Variants in ADAMTSL1 observed in about 807,000 individuals in gnomAD.
ADAMTSL1 encodes the protein ADAMTS like 1, also known as ADAMTS-like protein 1.
Under a neutral mutation model 201.8 loss-of-function variants are expected in ADAMTSL1, and 126 were observed. That is an observed-to-expected ratio of 0.62 (90% CI 0.54 to 0.72). The LOEUF (loss-of-function observed/expected upper bound fraction) is 0.72, where lower values mean the gene tolerates loss of function less well. Ranked by LOEUF, ADAMTSL1 falls within the 30% of genes least tolerant of loss-of-function variation. The pLI is 0.00. For missense variants in ADAMTSL1, 2,679 were observed against 2,277.8 expected (o/e 1.18, Z -3.59); for synonymous variants, 1,121 against 903.4 (o/e 1.24, Z -4.32).
intron 23 of ADAMTSL1, among the ~76,000 whole-genome samples, chr9:18,834,918 C>T (rs57964697): frequency 0.11 from 17,272 of 152,144 alleles, 1,069 homozygotes; most frequent in East Asian, 0.21. Flanking sequence ...TACAAATCTG[C>T]TGTGAAATTC....
chr9:18,370,347 C>A (rs1836988318), intron 2 of ADAMTSL1, among the ~76,000 whole-genome samples: 1 of 151,872 alleles, frequency 6.6e-6, no homozygotes, highest in South Asian at 2.1e-4. Context: ...GAAAAATTAC[C>A]TGTTAGGTAC....
chr9:18,721,076 C>A (rs568889478), intron 14 of ADAMTSL1, among the ~76,000 whole-genome samples: 9 of 152,228 alleles, frequency 5.9e-5, no homozygotes, highest in African/African-American at 1.9e-4. Context: ...AAGAGCCCAG[C>A]AGTTTACAGA....
At chr9:18,547,525 A>G (rs1820538276) in intron 3 of ADAMTSL1, among the ~76,000 whole-genome samples, 1 of 151,008 alleles carries the variant, frequency 6.6e-6, no homozygotes, top group South Asian at 2.1e-4. Flanking sequence ...GTAGGATACC[A>G]GGGTTGAATT....
chr9:18,095,549 A>G (rs1484865969), intron 1 of ADAMTSL1, among the ~76,000 whole-genome samples: 1 of 150,922 alleles, frequency 6.6e-6, no homozygotes, highest in Non-Finnish European at 1.5e-5. Flanking sequence ...CAGCTTCCCA[A>G]GCAGCTGGGA....
intron 2 of ADAMTSL1, among the ~76,000 whole-genome samples, chr9:18,291,837 C>G (rs987636981): frequency 6.6e-6 from 1 of 151,660 alleles, no homozygotes; most frequent in African/African-American, 2.4e-5. Context: ...GAAAGCATAC[C>G]TCTAGACACT....
chr9:18,228,623 T>A (rs970755745), intron 2 of ADAMTSL1, among the ~76,000 whole-genome samples: 2 of 152,140 alleles, frequency 1.3e-5, no homozygotes, highest in Non-Finnish European at 2.9e-5. Context: ...TTTCACTGTG[T>A]TTCCCAGGCT....
At chr9:18,047,064 C>G (rs747582544) in intron 1 of ADAMTSL1, among the ~76,000 whole-genome samples, 1 of 151,844 alleles carries the variant, frequency 6.6e-6, no homozygotes, top group East Asian at 1.9e-4. Context: ...ATAATGGGGC[C>G]TTAAATTGAC....
chr9:18,053,083 A>G (rs928723394), intron 1 of ADAMTSL1, among the ~76,000 whole-genome samples: 20 of 152,226 alleles, frequency 1.3e-4, no homozygotes, highest in Non-Finnish European at 2.1e-4. Flanking sequence ...ATAAAGCTAA[A>G]GGAACACACC....
chr9:18,399,473 C>G (rs1817898083), intron 2 of ADAMTSL1, among the ~76,000 whole-genome samples: 1 of 150,750 alleles, frequency 6.6e-6, no homozygotes, highest in African/African-American at 2.4e-5. Flanking sequence ...TCCCAAGTAG[C>G]TGGGATTACA....
At chr9:18,256,254 G>T (rs1831677571) in intron 2 of ADAMTSL1, among the ~76,000 whole-genome samples, 1 of 152,162 alleles carries the variant, frequency 6.6e-6, no homozygotes, top group African/African-American at 2.4e-5. Flanking sequence ...AAGGCAAAGG[G>T]CATCGTACAG....
At chr9:18,046,948 A>G (rs1301071724) in intron 1 of ADAMTSL1, among the ~76,000 whole-genome samples, 3 of 152,194 alleles carry the variant, frequency 2.0e-5, no homozygotes, top group African/African-American at 7.2e-5. Context: ...ATGGAACTGA[A>G]GAAAATTTAA....
chr9:18,384,425 G>C (rs984094710), intron 2 of ADAMTSL1, among the ~76,000 whole-genome samples: 8 of 152,088 alleles, frequency 5.3e-5, no homozygotes, highest in Admixed American at 5.2e-4. Context: ...TTTCGGTAGG[G>C]ACACAGAGCC....
intron 2 of ADAMTSL1, among the ~76,000 whole-genome samples, chr9:18,328,391 C>T (rs929833533): frequency 2.6e-5 from 4 of 152,160 alleles, no homozygotes; most frequent in Non-Finnish European, 5.9e-5. Context: ...TGAACTGTGA[C>T]GTAACACCAA....
At chr9:18,154,711 G>C (rs989491472) in intron 1 of ADAMTSL1, among the ~76,000 whole-genome samples, 1 of 152,094 alleles carries the variant, frequency 6.6e-6, no homozygotes, top group South Asian at 2.1e-4. Flanking sequence ...TAGGACTTGA[G>C]AGACAAAAAC....
chr9:18,091,735 A>C (rs901125097), intron 1 of ADAMTSL1, among the ~76,000 whole-genome samples: 1 of 152,160 alleles, frequency 6.6e-6, no homozygotes, highest in Non-Finnish European at 1.5e-5. Context: ...TAATTGGTGA[A>C]CACAGTGTGC....
intron 4 of ADAMTSL1, among the ~76,000 whole-genome samples, chr9:18,621,471 C>A (rs1826026692): frequency 1.3e-5 from 2 of 151,710 alleles, no homozygotes; most frequent in African/African-American, 4.8e-5. Flanking sequence ...GATATTTGTA[C>A]TGTGCCTGAT....
At chr9:18,053,168 G>A (rs919351669) in intron 1 of ADAMTSL1, among the ~76,000 whole-genome samples, 1 of 152,178 alleles carries the variant, frequency 6.6e-6, no homozygotes, top group Non-Finnish European at 1.5e-5. Flanking sequence ...GCCTGAGAAT[G>A]CAGGTTGGAC....
intron 1 of ADAMTSL1, among the ~76,000 whole-genome samples, chr9:18,072,519 A>G (rs1384062340): frequency 1.3e-5 from 2 of 152,240 alleles, no homozygotes; most frequent in Non-Finnish European, 2.9e-5. Flanking sequence ...AACTGTGTGT[A>G]CACATACACA....
At chr9:18,428,149 A>G (rs1454574076) in intron 2 of ADAMTSL1, among the ~76,000 whole-genome samples, 1 of 152,228 alleles carries the variant, frequency 6.6e-6, no homozygotes, top group Non-Finnish European at 1.5e-5. Flanking sequence ...CACAAAATTC[A>G]ATAGGCATTT....
Sources: gnomAD v4.1 joint callset for allele counts (sites outside exome capture counted in the v4.1 genomes callset) on GRCh38, gnomAD v4.1.1 for gene constraint, MANE v1.5 for transcripts, NCBI Gene and HGNC (gene_info 2026-07-23, HGNC 2026-07-21) for gene names.